Variants in ARG2 observed in about 807,000 individuals in gnomAD.
The protein encoded by ARG2 is arginase 2.
In ARG2, 21 loss-of-function variants were observed where a neutral mutation model predicts 39.4. That is an observed-to-expected ratio of 0.53 (90% CI 0.38 to 0.77). ARG2 has a LOEUF of 0.77. Among genes scored for constraint, ARG2 ranks in the 30% least tolerant of loss-of-function variants. The pLI, the probability that ARG2 is intolerant of heterozygous loss-of-function variation, is 0.00. For missense variants in ARG2, 378 were observed against 426.2 expected, an observed-to-expected ratio of 0.89 and a Z score of 1.00; for synonymous variants, 150 against 156.7, an observed-to-expected ratio of 0.96 and a Z score of 0.32.
At chr14:67,639,719 G>A (rs1022809041) in intron 2 of ARG2, among the ~76,000 whole-genome samples, 2 of 152,024 alleles carry the variant, frequency 1.3e-5, no homozygotes, top group African/African-American at 2.4e-5. Context: ...TCAGGAGTTC[G>A]AGACCAGCCT....
chr14:67,645,135 T>C (rs1036893233), intron 3 of ARG2, among the ~76,000 whole-genome samples: 2 of 152,198 alleles, frequency 1.3e-5, no homozygotes, highest in Admixed American at 6.5e-5. Context: ...TTACAGATTT[T>C]GGTGAGTCGT....
chr14:67,637,162 C>G (rs1016069071), intron 2 of ARG2, among the ~76,000 whole-genome samples: 4 of 152,086 alleles, frequency 2.6e-5, no homozygotes, highest in African/African-American at 9.7e-5. Flanking sequence ...GTAATCCTAG[C>G]GCTTTGGGAG....
At position 67,621,941 on chromosome 14, in the gene ARG2, A is replaced by G. The variant is rs915395361; in HGVS notation, c.184+975A>G. Among the ~76,000 whole-genome samples the G allele has an allele frequency of 5.3e-5, 8 of 152,148 alleles. No individual in the cohort carries two copies. In the East Asian group the frequency reaches 7.8e-4, roughly 15 times the overall value. On this transcript the variant is annotated intron_variant, in intron 2 of 7. Transcript: ENST00000261783. ...GCGAAATCCCTTCTCTACTAAAAAT[A>G]CAAAAATTAGTCAGGCATAGTGGCA...
intron 3 of ARG2, among the ~76,000 whole-genome samples, chr14:67,645,202 C>T (rs1306530587): frequency 6.6e-6 from 1 of 150,384 alleles, no homozygotes; most frequent in Non-Finnish European, 1.5e-5. Flanking sequence ...TTTTTGGAGA[C>T]AGGGTGTGAC....
chr14:67,636,440 G>GT (rs1239927262), intron 2 of ARG2, among the ~76,000 whole-genome samples: 1 of 152,248 alleles, frequency 6.6e-6, no homozygotes, highest in Non-Finnish European at 1.5e-5. Flanking sequence ...GAATGAGCAC[G>GT]TATCTGTAGA....
intron 2 of ARG2, among the ~76,000 whole-genome samples, chr14:67,626,765 C>T (rs996016074): frequency 1.3e-5 from 2 of 152,136 alleles, no homozygotes; most frequent in African/African-American, 4.8e-5. Flanking sequence ...TGGCCACACA[C>T]AAACTTATAT....
At chr14:67,625,974 C>T (rs560231599) in intron 2 of ARG2, among the ~76,000 whole-genome samples, 8 of 152,174 alleles carry the variant, frequency 5.3e-5, no homozygotes, top group African/African-American at 1.7e-4. Flanking sequence ...ACTACAATGG[C>T]CGGGTGTGGC....
chr14:67,635,867 A>G (rs11625839), intron 2 of ARG2, among the ~76,000 whole-genome samples: 1 of 152,040 alleles, frequency 6.6e-6, no homozygotes, highest in Non-Finnish European at 1.5e-5. Context: ...AATTTTTTTT[A>G]AATTTTAAAT....
Position 67,646,004 on chromosome 14 carries a change from G to A in ARG2, c.522+202G>A, listed in dbSNP as rs892999040. 5.3e-5 allele frequency among the ~76,000 whole-genome samples: 8 copies of A among 152,330 alleles called. 1 individual carries two copies. The highest frequency in any genetic ancestry group is 3.9e-4 in the Admixed American group (6 of 15,296). On this transcript the variant is annotated intron_variant, in intron 4 of 7. Coordinates refer to ENST00000261783, the MANE Select transcript of ARG2 (RefSeq NM_001172.4). Reference sequence around the variant, plus strand: ...CATAGTCTCTGTTCTTTGTAAGAAAGCAAGGAGGGGGTAGTAACAATAGCG... The same window carrying A: ...CATAGTCTCTGTTCTTTGTAAGAAAACAAGGAGGGGGTAGTAACAATAGCG...
chr14:67,635,043 GA>G (rs1347721884), intron 2 of ARG2, among the ~76,000 whole-genome samples: 1 of 152,084 alleles, frequency 6.6e-6, no homozygotes, highest in African/African-American at 2.4e-5. Flanking sequence ...CCAGGGGTTT[GA>G]GACCAGCCTC....
chr14:67,645,883 T>G, intron 4 of ARG2, 81 bp downstream of exon 4: 1 of 1,524,060 alleles, frequency 6.6e-7, no homozygotes, highest in Non-Finnish European at 8.9e-7. Flanking sequence ...AAGATTTTGG[T>G]GAAGGGTGGG....
chr14:67,635,689 C>T (rs888710527), intron 2 of ARG2, among the ~76,000 whole-genome samples: 2 of 152,086 alleles, frequency 1.3e-5, no homozygotes, highest in Non-Finnish European at 2.9e-5. Context: ...CCTGTCTCTA[C>T]TGAAAATGCA....
chr14:67,627,772 AT>A (rs550953815), intron 2 of ARG2, among the ~76,000 whole-genome samples: 39 of 152,210 alleles, frequency 2.6e-4, no homozygotes, highest in African/African-American at 8.4e-4. Flanking sequence ...CCATCTCTAC[AT>A]TTTTTAAGAG....
intron 2 of ARG2, among the ~76,000 whole-genome samples, chr14:67,641,316 GA>G (rs1360159786): frequency 6.6e-6 from 1 of 151,970 alleles, no homozygotes; most frequent in East Asian, 1.9e-4. Flanking sequence ...TCCAAAATCT[GA>G]AAAAAATAAA....
chr14:67,636,169 C>T (rs900065270), intron 2 of ARG2, among the ~76,000 whole-genome samples: 1 of 152,074 alleles, frequency 6.6e-6, no homozygotes, highest in African/African-American at 2.4e-5. Context: ...TGTGTGTCAG[C>T]CCACTTTGAA....
At chr14:67,649,127 C>T (rs1362878782) in intron 7 of ARG2, 1 of 152,172 alleles carries the variant, frequency 6.6e-6, no homozygotes, top group Non-Finnish European at 1.5e-5. Context: ...CTCTGCTTTG[C>T]TTCCTAAAAA....
At chr14:67,633,055 C>T (rs113873159) in intron 2 of ARG2, among the ~76,000 whole-genome samples, 1,978 of 151,868 alleles carry the variant, frequency 0.013, 49 homozygotes, top group African/African-American at 0.044. Context: ...CTCCTGACCT[C>T]GTGATCCGCC....
Position 67,651,664 on chromosome 14 carries a change from T to C in ARG2, c.*744T>C. The C allele has an allele frequency of 4.1e-6, 2 of 488,462 alleles. No homozygotes were observed. The highest frequency in any genetic ancestry group is 6.9e-6 in the Non-Finnish European group (2 of 288,012). 30.3% of individuals were successfully genotyped at this position (488,462 alleles called of 1,614,324 possible). A position where few individuals can be genotyped will look rare whatever the true frequency, so the allele number is the denominator to read the frequency against. ...TCACTTAGGGATAACACTGTCTACCTCACAGAAATGTTAAACTGAGACAAT... is the reference window on the plus strand; with the variant it reads ...TCACTTAGGGATAACACTGTCTACCCCACAGAAATGTTAAACTGAGACAAT... On this transcript the variant is annotated 3_prime_UTR_variant, in exon 8 of 8. Coordinates refer to ENST00000261783, the MANE Select transcript of ARG2 (RefSeq NM_001172.4).
At chr14:67,629,762 A>G (rs1243739252) in intron 2 of ARG2, among the ~76,000 whole-genome samples, 1 of 152,204 alleles carries the variant, frequency 6.6e-6, no homozygotes, top group Non-Finnish European at 1.5e-5. Context: ...TTATTGTGAA[A>G]TGTGTTCAAG....
Sources: gnomAD v4.1 joint callset for allele counts (sites outside exome capture counted in the v4.1 genomes callset) on GRCh38, gnomAD v4.1.1 for gene constraint, MANE v1.5 for transcripts, NCBI Gene and HGNC (gene_info 2026-07-23, HGNC 2026-07-21) for gene names.